The following RELN variants were observed in gnomAD, a reference collection of about 807,000 sequenced individuals.
RELN encodes reelin.
A neutral mutation model predicts 427.6 loss-of-function variants in RELN; 108 were observed. The observed-to-expected ratio is 0.25, with a 90% CI of 0.22 to 0.30. The LOEUF is 0.30. RELN is among the 10% of genes least tolerant of loss of function. The pLI is 1.00. For synonymous variants in RELN, 1,524 were observed against 1,513.4 expected (o/e 1.01, Z -0.16); for missense variants, 3,715 against 4,302.8 (o/e 0.86, Z 3.82).
At chr7:103,890,270 C>T (rs1485028466) in intron 2 of RELN, among the ~76,000 whole-genome samples, 1 of 151,748 alleles carries the variant, frequency 6.6e-6, no homozygotes, top group East Asian at 1.9e-4. Flanking sequence ...GCAGCTTTGG[C>T]CCAATGTGTC....
chr7:103,506,497 G>T (rs528336002), intron 51 of RELN, among the ~76,000 whole-genome samples: 11 of 152,206 alleles, frequency 7.2e-5, no homozygotes, highest in Non-Finnish European at 1.0e-4. Context: ...ATCCTTTACA[G>T]ACAAGCAAAT....
intron 4 of RELN, among the ~76,000 whole-genome samples, chr7:103,755,348 C>T (rs1008343588): frequency 6.6e-6 from 1 of 152,066 alleles, no homozygotes; most frequent in Non-Finnish European, 1.5e-5. Flanking sequence ...GTGGCTCACG[C>T]CTGTAATCCC....
intron 49 of RELN, among the ~76,000 whole-genome samples, chr7:103,517,535 T>C (rs893651162): frequency 1.3e-5 from 2 of 152,166 alleles, no homozygotes; most frequent in Non-Finnish European, 2.9e-5. Flanking sequence ...GAAACATAAC[T>C]CTCTTTTCCT....
In RELN at chr7:103,776,874, CAGCAGATG is replaced by C. The variant is rs769753216; in HGVS notation, c.474-255_474-248del. On this transcript the variant is annotated intron_variant, in intron 3 of 64. Transcript: ENST00000428762. ...AACAGTTGTGAGCTTGTTCTGAAAACAGCAGATGTGCGTAAAGCCTATAGAATAAAAAG... is the reference window on the plus strand; with the variant it reads ...AACAGTTGTGAGCTTGTTCTGAAAACTGCGTAAAGCCTATAGAATAAAAAG... Among the ~76,000 whole-genome samples, 408 of 152,276 alleles carry C rather than the reference CAGCAGATG, an allele frequency of 2.7e-3. 1 individual carries two copies. The highest frequency in any genetic ancestry group is 4.7e-3 in the Non-Finnish European group (318 of 68,024).
intron 10 of RELN, among the ~76,000 whole-genome samples, chr7:103,695,508 T>C (rs1833959813): frequency 6.6e-6 from 1 of 152,108 alleles, no homozygotes; most frequent in Non-Finnish European, 1.5e-5. Context: ...AAAGTTGTAA[T>C]ATAATTAAAA....
chr7:103,482,986 G>C lies in RELN; in HGVS notation c.10182-15C>G. 6.2e-7 allele frequency: 1 copy of C among 1,606,626 alleles called. No individual in the cohort carries two copies. Among genetic ancestry groups the C allele is most frequent in the Non-Finnish European group, 8.5e-7 (1 of 1,173,254 alleles). Reference sequence around the variant, plus strand: ...TCCGTGCCTCCCTGGGTCACACACAGAAGGACAAAGAAGTTATACATTAGG... The same window carrying C: ...TCCGTGCCTCCCTGGGTCACACACACAAGGACAAAGAAGTTATACATTAGG... On this transcript the variant is annotated splice_polypyrimidine_tract_variant and intron_variant, in intron 62 of 64. Coordinates refer to ENST00000428762, the MANE Select transcript of RELN (RefSeq NM_005045.4).
intron 2 of RELN, among the ~76,000 whole-genome samples, chr7:103,862,077 C>A (rs137987358): frequency 6.6e-6 from 1 of 152,058 alleles, no homozygotes; most frequent in South Asian, 2.1e-4. Flanking sequence ...TCACTGTGGT[C>A]ATAACTCCAA....
chr7:103,659,429 T>C (rs1405524507), intron 12 of RELN, among the ~76,000 whole-genome samples: 2 of 152,182 alleles, frequency 1.3e-5, no homozygotes, highest in African/African-American at 4.8e-5. Context: ...TTTGCTTTTC[T>C]AGTTCCATCT....
rs1796644948 is a variant in RELN at position 103,965,613 on chromosome 7, T to A, written c.226+23518A>T. Among the ~76,000 whole-genome samples, 3 of 152,160 alleles carry A rather than the reference T, an allele frequency of 2.0e-5. No individual in the cohort carries two copies. In the South Asian group the frequency reaches 6.2e-4, roughly 32 times the overall value. On this transcript the variant is annotated intron_variant, in intron 1 of 64. Transcript: ENST00000428762. Reference sequence around the variant, plus strand: ...AAGGCTTGGACGTTATTCTAAATAATCCATTTGGGCATCGAAAATTAACCT... The same window carrying A: ...AAGGCTTGGACGTTATTCTAAATAAACCATTTGGGCATCGAAAATTAACCT...
At chr7:103,663,916 A>G (rs1187325396) in intron 11 of RELN, among the ~76,000 whole-genome samples, 2 of 152,178 alleles carry the variant, frequency 1.3e-5, no homozygotes, top group Non-Finnish European at 2.9e-5. Context: ...ACTGACCTCT[A>G]TGGCCCCAGG....
intron 40 of RELN, 102 bp downstream of exon 40, chr7:103,553,359 G>C (rs892088887): frequency 2.5e-5 from 21 of 839,760 alleles, no homozygotes; most frequent in Non-Finnish European, 3.3e-5. Context: ...GCACAAAAAT[G>C]GGAGGTCATA....
At chr7:103,736,393 A>G (rs191286231) in intron 6 of RELN, among the ~76,000 whole-genome samples, 5 of 152,332 alleles carry the variant, frequency 3.3e-5, no homozygotes, top group East Asian at 3.9e-4. Context: ...AACAGCAAGG[A>G]AAGTTCATTG....
chr7:103,630,236 T>G, intron 19 of RELN, 60 bp from the exon 20 acceptor site: 1 of 1,083,318 alleles, frequency 9.2e-7, no homozygotes, highest in South Asian at 1.3e-5. Context: ...CACAAATATT[T>G]ATAGTGGGAT....
chr7:103,575,614 G>T lies in RELN; in HGVS notation c.4237C>A (p.Pro1413Thr). Residue 1413 changes from proline to threonine, a missense_variant, in exon 29 of 65, where the codon CCC becomes ACC. Transcript: ENST00000428762. ...TCCCCATGGCCACTGCAGTAACTGG[G>T]ACAAGGCTCGGATATGTACACTCCA... The part of the protein sequence containing the change: ...LDGVYISEPC[P>T]SYCSGHGDCI... 1 of 1,614,110 alleles carries T rather than the reference G, an allele frequency of 6.2e-7. No individual in the cohort carries two copies. The highest frequency in any genetic ancestry group is 8.5e-7 in the Non-Finnish European group (1 of 1,179,990).
Position 103,840,260 on chromosome 7 carries a change from C to G in RELN, c.338-6588G>C, listed in dbSNP as rs112160019. Among the ~76,000 whole-genome samples, 252 of 152,366 alleles carry G rather than the reference C, an allele frequency of 1.7e-3. 1 individual carries two copies. The highest frequency in any genetic ancestry group is 5.9e-3 in the African/African-American group (244 of 41,580). Reference sequence around the variant, plus strand: ...GCAAGTGTACGAAGTAGCCTGGATTCCAGTCAGTGCCCTTAGTCAGAAATG... The same window carrying G: ...GCAAGTGTACGAAGTAGCCTGGATTGCAGTCAGTGCCCTTAGTCAGAAATG... On this transcript the variant is annotated intron_variant, in intron 2 of 64. Transcript: ENST00000428762.
chr7:103,612,831 T>C (rs991840077), intron 20 of RELN, among the ~76,000 whole-genome samples: 3 of 152,204 alleles, frequency 2.0e-5, no homozygotes, highest in African/African-American at 7.2e-5. Flanking sequence ...ATTAATTTTT[T>C]AAGAGAAAAC....
intron 64 of RELN, among the ~76,000 whole-genome samples, chr7:103,474,618 C>A (rs953745173): frequency 3.9e-5 from 6 of 152,074 alleles, no homozygotes; most frequent in African/African-American, 1.2e-4. Context: ...TACAAAAAAA[C>A]CCCCAAGGAA....
Position 103,764,801 on chromosome 7 carries a change from A to G in RELN, c.545-11587T>C, listed in dbSNP as rs369652994. Among the ~76,000 whole-genome samples the G allele has an allele frequency of 2.9e-3, 428 of 145,390 alleles. 1 individual carries two copies. The highest frequency in any genetic ancestry group is 0.011 in the African/African-American group (406 of 37,772). On this transcript the variant is annotated intron_variant, in intron 4 of 64. Coordinates refer to ENST00000428762, the MANE Select transcript of RELN (RefSeq NM_005045.4). ...CAGTAAGCCGAGATCGCACCACTGC[A>G]CTCCAGCCTGGTGACAAGAGTGAGA...
At chr7:103,492,415 A>AGTT (rs1828704085) in intron 57 of RELN, among the ~76,000 whole-genome samples, 1 of 152,164 alleles carries the variant, frequency 6.6e-6, no homozygotes, top group Admixed American at 6.5e-5. Flanking sequence ...TTAAATTTTT[A>AGTT]GTTGGAATTA....
Sources: allele counts gnomAD v4.1 joint callset (sites outside exome capture counted in the v4.1 genomes callset), GRCh38; gene constraint gnomAD v4.1.1; transcripts MANE v1.5; gene names NCBI Gene and HGNC (gene_info 2026-07-23, HGNC 2026-07-21).